Variants in PCDHA7 observed in about 807,000 individuals in gnomAD.
PCDHA7 encodes the protein protocadherin alpha 7.
In PCDHA7, 37 loss-of-function variants were observed where a neutral mutation model predicts 57.2. That is an observed-to-expected ratio of 0.65 (90% CI 0.50 to 0.85). PCDHA7 has a LOEUF of 0.85. Among genes scored for constraint, PCDHA7 ranks in the 40% least tolerant of loss-of-function variants. PCDHA7 has a pLI of 0.00. For synonymous variants in PCDHA7, 553 were observed against 558.8 expected (o/e 0.99, Z 0.15); for missense variants, 1,188 against 1,241.8 (o/e 0.96, Z 0.65).
rs2053060094 is a variant in PCDHA7, at chr5:140,871,409, T to A, written c.2355+34671T>A. The A allele has an allele frequency of 6.2e-7, 1 of 1,614,092 alleles. No individual in the cohort carries two copies. Among genetic ancestry groups the A allele is most frequent in the Non-Finnish European group, 8.5e-7 (1 of 1,179,968 alleles). The stretch of plus-strand genomic sequence containing the variant: ...GAGGGCCCACCTAAGACGGACCTCA[T>A]GGCCTTCAGCCCCAGTCTTCCTCTA... On this transcript the variant is annotated intron_variant, in intron 1 of 3. Transcript: ENST00000525929.
At chr5:140,967,091 G>A (rs782261207) in intron 1 of PCDHA7, 1 of 1,613,196 alleles carries the variant, frequency 6.2e-7, no homozygotes. Context: ...TGATCGGGAG[G>A]CGCTGTGTGA....
chr5:140,872,711 G>A (rs968537483), intron 1 of PCDHA7, among the ~76,000 whole-genome samples: 1 of 152,206 alleles, frequency 6.6e-6, no homozygotes, highest in South Asian at 2.1e-4. Context: ...AAGGAAACTA[G>A]GTAAATAAAA....
At chr5:140,863,351 C>T in intron 1 of PCDHA7, 1 of 1,288,680 alleles carries the variant, frequency 7.8e-7, no homozygotes, top group Non-Finnish European at 1.1e-6. Context: ...CTGTACACGA[C>T]GCTGCGGTGC....
chr5:140,906,963 G>A (rs150934602), intron 1 of PCDHA7, among the ~76,000 whole-genome samples: 2 of 152,098 alleles, frequency 1.3e-5, no homozygotes, highest in South Asian at 2.1e-4. Flanking sequence ...TAATGGAATC[G>A]TGGTTGTGTC....
intron 1 of PCDHA7, chr5:140,928,542 C>A: frequency 6.2e-7 from 1 of 1,614,158 alleles, no homozygotes; most frequent in Non-Finnish European, 8.5e-7. Flanking sequence ...ATAGGAATGA[C>A]AATTATCCGG....
At chr5:140,974,496 T>C (rs1554236114) in intron 1 of PCDHA7, among the ~76,000 whole-genome samples, 1 of 152,198 alleles carries the variant, frequency 6.6e-6, no homozygotes, top group Non-Finnish European at 1.5e-5. Flanking sequence ...TCAAATGTAT[T>C]ACCTTTGTGT....
chr5:140,895,500 G>A (rs1554186539), intron 1 of PCDHA7, among the ~76,000 whole-genome samples: 2 of 152,046 alleles, frequency 1.3e-5, no homozygotes, highest in African/African-American at 2.4e-5. Context: ...CAGAACTTTT[G>A]CCCAATTTTT....
chr5:140,894,113 G>C (rs1239376474), intron 1 of PCDHA7, among the ~76,000 whole-genome samples: 1 of 152,072 alleles, frequency 6.6e-6, no homozygotes, highest in Non-Finnish European at 1.5e-5. Context: ...TTGCAGATGA[G>C]AAGTTTCAAA....
intron 3 of PCDHA7, among the ~76,000 whole-genome samples, chr5:140,990,310 C>A (rs1371432693): frequency 3.9e-5 from 6 of 152,110 alleles, no homozygotes; most frequent in African/African-American, 1.2e-4. Context: ...CTGTAAAAAA[C>A]CAACCAAACA....
At chr5:141,001,455 G>T (rs2098019131) in intron 3 of PCDHA7, among the ~76,000 whole-genome samples, 1 of 152,210 alleles carries the variant, frequency 6.6e-6, no homozygotes, top group Non-Finnish European at 1.5e-5. Flanking sequence ...ACTGTCAATT[G>T]AAGGACTAAG....
intron 3 of PCDHA7, among the ~76,000 whole-genome samples, chr5:140,985,773 T>C (rs945442566): frequency 7.2e-6 from 1 of 138,872 alleles, no homozygotes; most frequent in South Asian, 2.4e-4. Context: ...ACAGTCTCGC[T>C]CTGTCGCCCA....
intron 1 of PCDHA7, chr5:140,860,548 T>C (rs1219356676): frequency 6.6e-6 from 1 of 152,138 alleles, no homozygotes; most frequent in Non-Finnish European, 1.5e-5. Flanking sequence ...CAAACCCACC[T>C]TTGAAGAGGT....
chr5:140,943,420 G>T (rs1197382156), intron 1 of PCDHA7, among the ~76,000 whole-genome samples: 1 of 152,040 alleles, frequency 6.6e-6, no homozygotes, highest in Non-Finnish European at 1.5e-5. Context: ...AGAGGCAAGG[G>T]CTTTAATATG....
At chr5:140,903,787 A>G (rs782220484) in intron 1 of PCDHA7, among the ~76,000 whole-genome samples, 10 of 152,174 alleles carry the variant, frequency 6.6e-5, no homozygotes, top group Non-Finnish European at 1.3e-4. Context: ...TAAACTATCT[A>G]TGGTTGTAAT....
chr5:140,972,958 G>C (rs918792607), intron 1 of PCDHA7, among the ~76,000 whole-genome samples: 1 of 152,038 alleles, frequency 6.6e-6, no homozygotes, highest in African/African-American at 2.4e-5. Context: ...CACCATGCCC[G>C]GCAAAGGAAA....
At chr5:140,905,360 T>C (rs2071771480) in intron 1 of PCDHA7, among the ~76,000 whole-genome samples, 2 of 152,238 alleles carry the variant, frequency 1.3e-5, no homozygotes, top group Non-Finnish European at 2.9e-5. Context: ...TTTGACTATA[T>C]TTCTGGTTCT....
intron 1 of PCDHA7, chr5:140,857,033 A>C: frequency 1.3e-6 from 2 of 1,595,572 alleles, no homozygotes; most frequent in Non-Finnish European, 8.6e-7. Flanking sequence ...AAACCCACCT[A>C]TGGTTGGTCA....
intron 1 of PCDHA7, chr5:140,968,976 A>G (rs1410286561): frequency 2.5e-6 from 4 of 1,614,074 alleles, no homozygotes; most frequent in African/African-American, 1.3e-5. Flanking sequence ...TACACTGCGT[A>G]TGGCACTGCA....
intron 3 of PCDHA7, among the ~76,000 whole-genome samples, chr5:141,005,701 CAAAAAAAAAAAAAAAAAA>C (rs59860837): frequency 2.6e-4 from 2 of 7,786 alleles, no homozygotes; most frequent in Non-Finnish European, 5.4e-4. Flanking sequence ...AACTCCGTCT[CAAAAAAAAAAAAAAAAAA>C]AAAAAAAAAA....
Sources: allele counts gnomAD v4.1 joint callset (sites outside exome capture counted in the v4.1 genomes callset), GRCh38; gene constraint gnomAD v4.1.1; transcripts MANE v1.5; gene names NCBI Gene and HGNC (gene_info 2026-07-23, HGNC 2026-07-21).